The following PARVG variants were observed in gnomAD, a reference collection of about 807,000 sequenced individuals.
PARVG encodes the protein parvin gamma.
PARVG carries 36 observed loss-of-function variants against 44.4 expected under a neutral mutation model. That is an observed-to-expected ratio of 0.81 (90% CI 0.62 to 1.07). The LOEUF (loss-of-function observed/expected upper bound fraction) is 1.07, where lower values mean the gene tolerates loss of function less well. PARVG is among the 50% of genes least tolerant of loss of function. The pLI, the probability that PARVG is intolerant of heterozygous loss-of-function variation, is 0.00. For missense variants in PARVG, 407 were observed against 407.4 expected, an observed-to-expected ratio of 1.00 and a Z score of 0.01; for synonymous variants, 170 against 174.1, an observed-to-expected ratio of 0.98 and a Z score of 0.19.
intron 6 of PARVG, 56 bp downstream of exon 6, chr22:44,189,310 C>G: frequency 1.3e-6 from 2 of 1,587,324 alleles, no homozygotes; most frequent in East Asian, 2.3e-5. Context: ...TGGGGTCCTT[C>G]TGCTTCAGGC....
chr22:44,176,981 C>G (rs1019326577), upstream of PARVG, among the ~76,000 whole-genome samples: 1 of 152,050 alleles, frequency 6.6e-6, no homozygotes, highest in African/African-American at 2.4e-5. Flanking sequence ...TGGAAAAACC[C>G]GTCCCCATGA....
At chr22:44,195,344 T>G (rs902938594) in intron 9 of PARVG, among the ~76,000 whole-genome samples, 5 of 152,168 alleles carry the variant, frequency 3.3e-5, no homozygotes, top group Non-Finnish European at 1.5e-5. Flanking sequence ...ACAAGGGAAC[T>G]GAAACAGAGA....
Position 44,207,945 on chromosome 22 carries a change from G to A in PARVG, c.*1519G>A, listed in dbSNP as rs1481910728. ...GTGCATCCTCCCACACCAGGTACCT[G>A]GAGCCCAGCTCCTTCCACCTGCTCA... On this transcript the variant is annotated 3_prime_UTR_variant, in exon 14 of 14. Transcript: ENST00000444313. 6.6e-6 allele frequency: 1 copy of A among 152,326 alleles called. No individual in the cohort carries two copies. The highest frequency in any genetic ancestry group is 1.5e-5 in the Non-Finnish European group (1 of 68,186). 9.4% of individuals were successfully genotyped at this position (152,326 alleles called of 1,614,324 possible). A position where few individuals can be genotyped will look rare whatever the true frequency, so the allele number is the denominator to read the frequency against.
At chr22:44,188,099 G>A (rs1045488097) in intron 5 of PARVG, 36 of 588,676 alleles carry the variant, frequency 6.1e-5, no homozygotes, top group Non-Finnish European at 1.0e-4. Flanking sequence ...GGGCTCTGAC[G>A]CCAGGGTTGG....
upstream of PARVG, among the ~76,000 whole-genome samples, chr22:44,176,157 C>T (rs1312562250): frequency 6.6e-6 from 1 of 152,198 alleles, no homozygotes. Context: ...ACAGTTGTCC[C>T]TGGTATCCTC....
intron 8 of PARVG, 139 bp from the exon 9 acceptor site, chr22:44,193,662 C>T: frequency 9.3e-7 from 1 of 1,076,690 alleles, no homozygotes; most frequent in Non-Finnish European, 1.3e-6. Context: ...GCCCTACCTA[C>T]AAAGCTGCCA....
rs920175560 is a variant in PARVG, at chr22:44,181,877, C to T, written c.-53C>T. 1.2e-5 allele frequency: 12 copies of T among 985,446 alleles called. No individual in the cohort carries two copies. The African/African-American group carries it at 2.1e-4, about 17-fold the overall frequency. The allele number at this position is 985,446 out of a possible 1,614,324, so 61.0% of individuals were successfully genotyped here. ...TTCGGAATCCAGGGACCACCCTTTG[C>T]ACTCAGTAGGCCTTTGTTTTCCTGC... On this transcript the variant is annotated 5_prime_UTR_variant, in exon 2 of 14. Coordinates refer to ENST00000444313, the MANE Select transcript of PARVG (RefSeq NM_022141.7).
At chr22:44,186,735 C>A (rs879492462) in intron 4 of PARVG, 46 of 455,300 alleles carry the variant, frequency 1.0e-4, no homozygotes, top group Admixed American at 1.9e-4. Flanking sequence ...GGGAGGTTAT[C>A]CCAGGGGTCA....
At chr22:44,179,025 A>T (rs1278719034), upstream of PARVG, among the ~76,000 whole-genome samples, 1 of 152,190 alleles carries the variant, frequency 6.6e-6, no homozygotes, top group Non-Finnish European at 1.5e-5. The surrounding 1 kb of genome is among the most constrained non-coding windows in gnomAD (Gnocchi z 4.2). Context: ...AGTTGTGGTT[A>T]AAAATACACG....
intron 5 of PARVG, 69 bp downstream of exon 5, chr22:44,187,947 A>T (rs1479017193): frequency 6.8e-7 from 1 of 1,478,326 alleles, no homozygotes; most frequent in South Asian, 1.1e-5. Flanking sequence ...TCCAGGGCCC[A>T]CAGGTAGGCT....
At chr22:44,174,542 G>A (rs188371784) in intron 1 of PARVG, among the ~76,000 whole-genome samples, 19 of 143,048 alleles carry the variant, frequency 1.3e-4, no homozygotes, top group African/African-American at 4.0e-4. Flanking sequence ...CCCTGTCTCC[G>A]CTAAAAACAA....
At position 44,191,038 on chromosome 22, in the gene PARVG, C is replaced by T. The variant is rs2054541191; in HGVS notation, c.504+372C>T. 2.0e-5 allele frequency among the ~76,000 whole-genome samples: 3 copies of T among 152,326 alleles called. No individual in the cohort carries two copies. The South Asian group carries it at 6.2e-4, about 32-fold the overall frequency. ...GGGAGCCTTCACGCCCTGAGCAAAA[C>T]CAATGCTCTCACCATGAGGGTACTG... is the stretch of plus-strand genomic sequence containing the variant. On this transcript the variant is annotated intron_variant, in intron 7 of 13. Transcript: ENST00000444313.
intron 4 of PARVG, chr22:44,186,205 G>A: frequency 3.2e-6 from 1 of 308,140 alleles, no homozygotes; most frequent in Non-Finnish European, 6.5e-6. Flanking sequence ...GGGGCACGCA[G>A]CTGCCCGTAA....
At chr22:44,186,080 G>A (rs1004331122) in intron 4 of PARVG, 21 of 417,142 alleles carry the variant, frequency 5.0e-5, no homozygotes, top group Middle Eastern at 1.5e-3. Context: ...CACCAACTGT[G>A]TGCCTTCACA....
Position 44,206,543 on chromosome 22 carries a change from C to A in PARVG, c.*117C>A. The A allele has an allele frequency of 2.4e-6, 2 of 845,646 alleles. No individual in the cohort carries two copies. Among genetic ancestry groups the A allele is most frequent in the East Asian group, 2.6e-5 (1 of 38,464 alleles). 52.4% of individuals were successfully genotyped at this position (845,646 alleles called of 1,614,324 possible). Reference sequence around the variant, plus strand: ...TGTGCATTCGTGACCCGCTTCCCTCCCACCCTGTCTCCTGTCTCCATCGTT... The same window carrying A: ...TGTGCATTCGTGACCCGCTTCCCTCACACCCTGTCTCCTGTCTCCATCGTT... On this transcript the variant is annotated 3_prime_UTR_variant, in exon 14 of 14. Coordinates refer to ENST00000444313, the MANE Select transcript of PARVG (RefSeq NM_022141.7).
intron 12 of PARVG, among the ~76,000 whole-genome samples, chr22:44,198,969 T>TCCACCCACCCACCCAC (rs1601745494): frequency 1.6e-4 from 9 of 54,706 alleles, no homozygotes; most frequent in East Asian, 3.8e-4. Context: ...CATCCATCCA[T>TCCACCCACCCACCCAC]CCATCCATCC....
intron 4 of PARVG, chr22:44,186,278 C>T (rs2054468744): frequency 6.2e-6 from 2 of 321,990 alleles, no homozygotes; most frequent in South Asian, 2.6e-5. Flanking sequence ...AGCTTGTCTG[C>T]CCAAGGTGTA....
intron 9 of PARVG, among the ~76,000 whole-genome samples, chr22:44,194,403 C>T (rs2054589909): frequency 1.3e-5 from 2 of 152,134 alleles, no homozygotes; most frequent in Admixed American, 6.5e-5. Flanking sequence ...AGCTCTTCCC[C>T]TTCCCATCCA....
chr22:44,188,077 G>C, intron 5 of PARVG, 199 bp downstream of exon 5: 3 of 615,390 alleles, frequency 4.9e-6, no homozygotes, highest in South Asian at 3.9e-5. Flanking sequence ...GGCCGAGCTG[G>C]GGCTCAGGGT....
Sources: gnomAD v4.1 joint callset for allele counts (sites outside exome capture counted in the v4.1 genomes callset) on GRCh38, gnomAD v4.1.1 for gene constraint, Gnocchi (gnomAD v3.1) non-coding constraint, MANE v1.5 for transcripts, NCBI Gene and HGNC (gene_info 2026-07-23, HGNC 2026-07-21) for gene names.